RAD51B: variants seen among roughly 807,000 people sequenced by gnomAD.
RAD51B encodes the protein DNA repair protein RAD51 homolog 2.
Under a neutral mutation model 42.2 loss-of-function variants are expected in RAD51B, and 38 were observed. That is an observed-to-expected ratio of 0.90 (90% CI 0.70 to 1.18). RAD51B has a LOEUF of 1.18. RAD51B is among the 50% of genes most tolerant of loss of function. The pLI, the probability that RAD51B is intolerant of heterozygous loss-of-function variation, is 0.00. For missense variants in RAD51B, 373 were observed against 400.7 expected (o/e 0.93, Z 0.59); for synonymous variants, 154 against 145.2 (o/e 1.06, Z -0.43).
chr14:68,323,082 C>T (rs1005142547), intron 8 of RAD51B, among the ~76,000 whole-genome samples: 38 of 152,222 alleles, frequency 2.5e-4, no homozygotes, highest in African/African-American at 8.7e-4. Context: ...AGCACTCAGC[C>T]CAGAGCTGTT....
In RAD51B at chr14:67,976,341, C is replaced by T. The variant is rs543491960; in HGVS notation, c.756+89137C>T. Among the ~76,000 whole-genome samples the T allele has an allele frequency of 3.9e-5, 6 of 152,172 alleles. No individual in the cohort carries two copies. The South Asian group carries it at 6.2e-4, about 16-fold the overall frequency. Reference sequence around the variant, plus strand: ...CTATGTTGCCCAGGCTGGTCTTGAGCTCCTGGGCTCAAGCGATCCTCTCAT... The same window carrying T: ...CTATGTTGCCCAGGCTGGTCTTGAGTTCCTGGGCTCAAGCGATCCTCTCAT... On this transcript the variant is annotated intron_variant, in intron 7 of 10. Coordinates refer to ENST00000471583, the MANE Select transcript of RAD51B (RefSeq NM_133510.4).
intron 10 of RAD51B, among the ~76,000 whole-genome samples, chr14:68,586,171 G>A (rs72729533): frequency 8.5e-5 from 13 of 152,142 alleles, no homozygotes; most frequent in African/African-American, 2.7e-4. Context: ...GCAGAGCTGC[G>A]ATAGTCCTGT....
chr14:68,062,251 A>T (rs2076578772), intron 7 of RAD51B, among the ~76,000 whole-genome samples: 1 of 152,172 alleles, frequency 6.6e-6, no homozygotes, highest in Non-Finnish European at 1.5e-5. Flanking sequence ...ATCCCAGTTG[A>T]TCATGATGCA....
chr14:68,445,407 C>T (rs1391073124), intron 9 of RAD51B, among the ~76,000 whole-genome samples: 1 of 152,150 alleles, frequency 6.6e-6, no homozygotes, highest in African/African-American at 2.4e-5. Context: ...AGCTAGCATT[C>T]ATCAAGTACT....
chr14:68,450,485 C>G (rs2085532736), intron 9 of RAD51B, among the ~76,000 whole-genome samples: 1 of 152,132 alleles, frequency 6.6e-6, no homozygotes, highest in South Asian at 2.1e-4. Context: ...GCCCGAAGTG[C>G]TGGGATTATA....
chr14:68,501,680 A>C (rs1270190427), intron 10 of RAD51B, among the ~76,000 whole-genome samples: 1 of 152,262 alleles, frequency 6.6e-6, no homozygotes, highest in Non-Finnish European at 1.5e-5. Flanking sequence ...ACCGTTGGAA[A>C]TAATGGGCCA....
At chr14:67,883,341 A>C (rs1314409437) in intron 5 of RAD51B, among the ~76,000 whole-genome samples, 1 of 151,900 alleles carries the variant, frequency 6.6e-6, no homozygotes, top group Admixed American at 6.6e-5. Context: ...AAAAAAAAAA[A>C]ACAAAAACCA....
At chr14:68,226,812 A>C (rs900738590) in intron 7 of RAD51B, among the ~76,000 whole-genome samples, 2 of 152,200 alleles carry the variant, frequency 1.3e-5, no homozygotes, top group Admixed American at 1.3e-4. Flanking sequence ...TCTGGGTAGA[A>C]CCCAAATCTC....
chr14:68,325,205 A>G (rs1489961630), intron 8 of RAD51B, among the ~76,000 whole-genome samples: 1 of 152,216 alleles, frequency 6.6e-6, no homozygotes, highest in African/African-American at 2.4e-5. Flanking sequence ...TACCTACCTA[A>G]TAAGGATTAA....
chr14:68,288,290 A>G (rs980964190), intron 7 of RAD51B, among the ~76,000 whole-genome samples: 1 of 152,216 alleles, frequency 6.6e-6, no homozygotes, highest in African/African-American at 2.4e-5. Flanking sequence ...TTTGCTGAAA[A>G]CAGATTTAGA....
intron 8 of RAD51B, among the ~76,000 whole-genome samples, chr14:68,352,214 G>A (rs1351872315): frequency 6.6e-6 from 1 of 152,210 alleles, no homozygotes; most frequent in Non-Finnish European, 1.5e-5. Flanking sequence ...TGAATAGATG[G>A]TATTGGGTGA....
chr14:68,440,706 A>AT (rs892355945), intron 9 of RAD51B, among the ~76,000 whole-genome samples: 2 of 152,064 alleles, frequency 1.3e-5, no homozygotes, highest in African/African-American at 4.8e-5. Context: ...AGATCGTGCC[A>AT]TTGCATTCCA....
In RAD51B at chr14:68,375,978, TAGGGACCC is replaced by T. The variant is rs144664161; in HGVS notation, c.854-35441_854-35434del. On this transcript the variant is annotated intron_variant, in intron 8 of 10. Coordinates refer to ENST00000471583, the MANE Select transcript of RAD51B (RefSeq NM_133510.4). ...TCTATTTATTAAGCTGGAGGACTCC[TAGGGACCC>T]AGGGGCCTCAGACTTACTCCTGAAC... Among the ~76,000 whole-genome samples the T allele has an allele frequency of 7.4e-3, 1,132 of 152,088 alleles. 13 individuals carry two copies. Among genetic ancestry groups the T allele is most frequent in the African/African-American group, 0.026 (1,097 of 41,470 alleles).
chr14:68,391,092 C>T (rs2083738597), intron 8 of RAD51B, among the ~76,000 whole-genome samples: 1 of 152,146 alleles, frequency 6.6e-6, no homozygotes, highest in Non-Finnish European at 1.5e-5. Flanking sequence ...AGATACTTTC[C>T]TCCAGAATTA....
chr14:68,200,488 A>G (rs1184866586), intron 7 of RAD51B, among the ~76,000 whole-genome samples: 1 of 152,220 alleles, frequency 6.6e-6, no homozygotes, highest in Admixed American at 6.5e-5. Flanking sequence ...AACAGAGCAA[A>G]AAATGCTGAG....
intron 7 of RAD51B, among the ~76,000 whole-genome samples, chr14:68,178,764 G>A (rs771838183): frequency 2.6e-5 from 4 of 152,176 alleles, no homozygotes; most frequent in Non-Finnish European, 5.9e-5. Context: ...TTCTCCCACA[G>A]TTTGACACAT....
intron 7 of RAD51B, among the ~76,000 whole-genome samples, chr14:68,029,416 G>A (rs539720423): frequency 2.0e-5 from 3 of 152,032 alleles, no homozygotes; most frequent in South Asian, 2.1e-4. Context: ...CAGCTTCTTC[G>A]CCAGGAGTAG....
At chr14:68,549,462 C>T (rs995919488) in intron 10 of RAD51B, among the ~76,000 whole-genome samples, 3 of 114,688 alleles carry the variant, frequency 2.6e-5, no homozygotes, top group Non-Finnish European at 3.6e-5. Flanking sequence ...GTCGCCCAGG[C>T]TGGAGTGCAG....
At chr14:68,545,777 G>C (rs1449281778) in intron 10 of RAD51B, among the ~76,000 whole-genome samples, 1 of 152,164 alleles carries the variant, frequency 6.6e-6, no homozygotes, top group Non-Finnish European at 1.5e-5. Context: ...TATAGAGTAG[G>C]GGGTTGGGCA....
Sources: gnomAD v4.1 joint callset for allele counts (sites outside exome capture counted in the v4.1 genomes callset) on GRCh38, gnomAD v4.1.1 for gene constraint, MANE v1.5 for transcripts, NCBI Gene and HGNC (gene_info 2026-07-23, HGNC 2026-07-21) for gene names.